REC8: variants seen among roughly 807,000 people sequenced by gnomAD.
REC8 encodes meiotic recombination protein REC8 homolog.
In REC8, 42 loss-of-function variants were observed where a neutral mutation model predicts 78.3. The ratio of observed to expected loss-of-function variants is 0.54; its 90% CI spans 0.42 to 0.69. The LOEUF (loss-of-function observed/expected upper bound fraction) is 0.69. Among genes scored for constraint, REC8 ranks in the 30% least tolerant of loss-of-function variants. The probability of loss-of-function intolerance (pLI) is 0.00; values close to 1 mark genes in which losing one functional copy is unlikely to be tolerated. For missense variants in REC8, 581 were observed against 715.8 expected, an observed-to-expected ratio of 0.81 and a Z score of 2.15; for synonymous variants, 268 against 274.1, an observed-to-expected ratio of 0.98 and a Z score of 0.22.
In REC8 at chr14:24,179,852, G is replaced by C. The variant is rs370759703; in HGVS notation, c.1504G>C (p.Val502Leu). The stretch of plus-strand genomic sequence containing the variant: ...CAGGGAGCCCGACTTCAGCAGCCTG[G>C]TGTCACCTCTCAGCCCCCGCAGGAT... ...ANREPDFSSL[V>L]SPLSPRRMAA... is the part of the protein sequence containing the mutation. The change falls in exon 18 of 19, where the codon GTG becomes CTG. Residue 502 changes from valine to leucine, a missense_variant. Transcript: ENST00000611366. The C allele has an allele frequency of 1.6e-5, 26 of 1,613,606 alleles. No homozygotes were observed. The South Asian group carries it at 2.5e-4, about 16-fold the overall frequency.
rs768938773 is a variant in REC8 at position 24,177,749 on chromosome 14, C to G, written c.855C>G (p.Pro285=). 1 of 1,608,222 alleles carries G rather than the reference C, an allele frequency of 6.2e-7. No homozygotes were observed. ...AGGAGCTGCGTCTGCCAGCCCCACC[C>G]AGCCCAGAGGTGAGTAGCCTCCCTT... The part of the protein sequence containing the change: ...PPEELRLPAP[P]SPERRPPVPP... The change falls in exon 11 of 19, where the codon CCC becomes CCG. Residue 285 remains proline, a synonymous_variant. Transcript: ENST00000611366.
chr14:24,177,099 ATAT>A (rs780578680), intron 7 of REC8, 39 bp from the exon 8 acceptor site: 5 of 1,592,372 alleles, frequency 3.1e-6, no homozygotes, highest in Non-Finnish European at 3.4e-6. Flanking sequence ...TTTTTCAGAA[ATAT>A]TATTGAATCC....
chr14:24,180,294 G>A (rs1387378533), downstream of REC8: 3 of 1,518,960 alleles, frequency 2.0e-6, no homozygotes, highest in African/African-American at 1.4e-5. Context: ...TCCAGCCTCA[G>A]GGACAGCCCT....
chr14:24,174,909 C>G (rs997672225), intron 5 of REC8, among the ~76,000 whole-genome samples: 2 of 152,016 alleles, frequency 1.3e-5, no homozygotes, highest in Non-Finnish European at 2.9e-5. Flanking sequence ...ACAACCTTGT[C>G]TCCCCACTAG....
chr14:24,180,207 T>G lies in REC8; in HGVS notation c.*112T>G, dbSNP rs2039102792. 1.2e-6 allele frequency: 2 copies of G among 1,606,262 alleles called. No homozygotes were observed. Among genetic ancestry groups the G allele is most frequent in the Non-Finnish European group, 1.7e-6 (2 of 1,175,586 alleles). ...TCTGAATGTGCATTTCCAGCCTTCT[T>G]GCTCTCAGAGCTATTGTTCAAGCAG... On this transcript the variant is annotated 3_prime_UTR_variant, in exon 19 of 19. Coordinates refer to ENST00000611366, the MANE Select transcript of REC8 (RefSeq NM_001048205.2).
chr14:24,172,534 G>C lies in REC8; in HGVS notation c.-19G>C, dbSNP rs1480758047. On this transcript the variant is annotated 5_prime_UTR_variant, in exon 1 of 19. Coordinates refer to ENST00000611366, the MANE Select transcript of REC8 (RefSeq NM_001048205.2). ...GAACGGGGATCTGGTGGAATCGAGGGTGAAAGACCAGAGGGACAATGTTCT... is the reference window on the plus strand; with the variant it reads ...GAACGGGGATCTGGTGGAATCGAGGCTGAAAGACCAGAGGGACAATGTTCT... The C allele has an allele frequency of 6.2e-7, 1 of 1,606,012 alleles. No individual in the cohort carries two copies. Among genetic ancestry groups the C allele is most frequent in the East Asian group, 2.2e-5 (1 of 44,680 alleles).
chr14:24,177,440 A>G, intron 9 of REC8, 25 bp from the exon 10 acceptor site: 1 of 1,614,006 alleles, frequency 6.2e-7, no homozygotes, highest in Non-Finnish European at 8.5e-7. Context: ...GGGTCTCCTC[A>G]TTTCTCTTGC....
At position 24,178,814 on chromosome 14, in the gene REC8, C is replaced by A. The variant is rs776242727; in HGVS notation, c.1101C>A (p.Thr367=). Residue 367 remains threonine (T), a synonymous_variant, in exon 14 of 19, where the codon ACC becomes ACA. Coordinates refer to ENST00000611366, the MANE Select transcript of REC8 (RefSeq NM_001048205.2). ...WLPPELLGLW[T]HCAQPPPKAL... ...CCCCTGAACTACTGGGTCTCTGGAC[C>A]CATTGTGCCCAGCCACCCCCAAAAG... 1.9e-6 allele frequency: 3 copies of A among 1,613,812 alleles called. No homozygotes were observed. Among genetic ancestry groups the A allele is most frequent in the Non-Finnish European group, 2.5e-6 (3 of 1,179,988 alleles).
Position 24,172,587 on chromosome 14 carries a change from C to G in REC8, c.35C>G (p.Thr12Ser). Residue 12 changes from threonine to serine, a missense_variant, in exon 1 of 19, where the codon ACC (threonine) becomes AGC (serine). Transcript: ENST00000611366. Reference sequence around the variant, plus strand: ...TATCCCAACGTGCTTCAGCGCCACACCGGCTGCTTTGCCACCATCTGGTAA... The same window carrying G: ...TATCCCAACGTGCTTCAGCGCCACAGCGGCTGCTTTGCCACCATCTGGTAA... ...FYYPNVLQRH[T>S]GCFATIWLAA... 1 of 1,613,380 alleles carries G rather than the reference C, an allele frequency of 6.2e-7. No homozygotes were observed. Among genetic ancestry groups the G allele is most frequent in the Non-Finnish European group, 8.5e-7 (1 of 1,179,480 alleles).
chr14:24,175,318 TTGA>T, intron 5 of REC8: 1 of 419,278 alleles, frequency 2.4e-6, no homozygotes, highest in Non-Finnish European at 4.4e-6. Flanking sequence ...CTTGCACAAA[TTGA>T]TGAGGGCTAG....
rs978611440 is a variant in REC8, at chr14:24,175,741, G to A, written c.544+117G>A. The A allele has an allele frequency of 3.3e-5, 22 of 667,946 alleles. No individual in the cohort carries two copies. In the African/African-American group the frequency reaches 3.5e-4, roughly 10 times the overall value. The allele number at this position is 667,946 out of a possible 1,614,324, so 41.4% of individuals were successfully genotyped here. ...GTGAGGGGCGCTTTTTTTTTTTTTC[G>A]AGGCAGAGTCTCACTCTGTTGCCCA... On this transcript the variant is annotated intron_variant, in intron 6 of 18. Coordinates refer to ENST00000611366, the MANE Select transcript of REC8 (RefSeq NM_001048205.2).
At chr14:24,179,194 G>GT in intron 15 of REC8, 61 bp downstream of exon 15, 1 of 1,414,428 alleles carries the variant, frequency 7.1e-7, no homozygotes, top group Non-Finnish European at 9.8e-7. Flanking sequence ...CAGGAAACTA[G>GT]TATCCCAACT....
chr14:24,177,009 G>T, intron 7 of REC8, 108 bp downstream of exon 7: 1 of 1,324,878 alleles, frequency 7.5e-7, no homozygotes, highest in Non-Finnish European at 1.1e-6. Context: ...CTCTGTCCCT[G>T]GCACTTGAGC....
At chr14:24,173,560 T>A (rs927513855) in intron 5 of REC8, 149 bp downstream of exon 5, 12 of 1,463,362 alleles carry the variant, frequency 8.2e-6, no homozygotes, top group African/African-American at 1.4e-5. Flanking sequence ...GGTGGACCCA[T>A]CCAGGCGAAG....
Position 24,179,386 on chromosome 14 carries a change from T to C in REC8, c.1253-11T>C, listed in dbSNP as rs777912683. The stretch of plus-strand genomic sequence containing the variant: ...AGCAGACACCCACTAGCGCCTTTCC[T>C]CCCCCAACAGAGATCTCCCTAGAGG... On this transcript the variant is annotated splice_polypyrimidine_tract_variant and intron_variant, in intron 15 of 18. Transcript: ENST00000611366. The C allele has an allele frequency of 6.2e-7, 1 of 1,613,560 alleles. No homozygotes were observed. The highest frequency in any genetic ancestry group is 1.7e-5 in the Admixed American group (1 of 60,004).
chr14:24,179,504 T>C (rs780489037), intron 16 of REC8, 41 bp downstream of exon 16: 1 of 1,613,606 alleles, frequency 6.2e-7, no homozygotes, highest in Non-Finnish European at 8.5e-7. Flanking sequence ...CCCACAGCCC[T>C]TGGCCAGGTG....
intron 5 of REC8, among the ~76,000 whole-genome samples, chr14:24,174,142 C>G (rs1423906986): frequency 1.3e-4 from 19 of 151,964 alleles, no homozygotes; most frequent in Admixed American, 1.2e-3. Flanking sequence ...GGATTACAGA[C>G]ATGAGCCACA....
intron 6 of REC8, 134 bp downstream of exon 6, chr14:24,175,758 T>C: frequency 3.1e-6 from 2 of 636,872 alleles, no homozygotes; most frequent in Non-Finnish European, 5.5e-6. Flanking sequence ...AGTCTCACTC[T>C]GTTGCCCAGG....
At chr14:24,176,415 G>A (rs921677022) in intron 6 of REC8, among the ~76,000 whole-genome samples, 4 of 149,004 alleles carry the variant, frequency 2.7e-5, no homozygotes, top group African/African-American at 1.0e-4. Flanking sequence ...ATGATCATAG[G>A]TCACTGCAGC....
Sources: allele counts gnomAD v4.1 joint callset (sites outside exome capture counted in the v4.1 genomes callset), GRCh38; gene constraint gnomAD v4.1.1; transcripts MANE v1.5; gene names NCBI Gene and HGNC (gene_info 2026-07-23, HGNC 2026-07-21).